MISFA: variants seen among roughly 807,000 people sequenced by gnomAD.
MISFA encodes the protein mitochondrial sheath formation-associated protein.
chr11:18,609,621 T>G, the MISFA span: 13 of 510,918 alleles, frequency 2.5e-5, no homozygotes, highest in Non-Finnish European at 4.5e-5. Flanking sequence ...CTGGCATCTG[T>G]GAACAGTTAA....
At chr11:18,602,082 C>T in the MISFA span, 2 of 152,210 alleles carry the variant, frequency 1.3e-5, no homozygotes, top group Non-Finnish European at 2.9e-5. Flanking sequence ...GAGCACATTT[C>T]TCTGTCTCTG....
chr11:18,606,716 T>C, the MISFA span: 1 of 404,984 alleles, frequency 2.5e-6, no homozygotes, highest in Non-Finnish European at 4.7e-6. Context: ...TCTTCATATA[T>C]TTATTCTCTT....
chr11:18,601,699 C>T, the MISFA span: 2,816 of 395,036 alleles, frequency 7.1e-3, 68 homozygotes, highest in African/African-American at 0.052. Flanking sequence ...CATAAACCAC[C>T]GTGCCTTGCC....
At chr11:18,608,648 T>G in the MISFA span, 1 of 152,250 alleles carries the variant, frequency 6.6e-6, no homozygotes, top group Non-Finnish European at 1.5e-5. Flanking sequence ...TGATCCTAAG[T>G]CAGCCTGATT....
chr11:18,604,969 G>A, the MISFA span, among the ~76,000 whole-genome samples: 7 of 152,234 alleles, frequency 4.6e-5, no homozygotes, highest in South Asian at 6.2e-4. Context: ...TAGGCCAGGC[G>A]TGGTGGCTCA....
the MISFA span, chr11:18,601,274 T>C: frequency 4.0e-5 from 16 of 398,284 alleles, no homozygotes; most frequent in Middle Eastern, 6.3e-4. Flanking sequence ...TTTATTCCTC[T>C]GGAAAATATA....
chr11:18,603,966 GC>G, the MISFA span: 2 of 293,000 alleles, frequency 6.8e-6, no homozygotes, highest in Non-Finnish European at 5.6e-6. Context: ...TCGCTGTGTC[GC>G]CCAGGCTGGA....
At chr11:18,602,939 GC>G in the MISFA span, 1 of 391,006 alleles carries the variant, frequency 2.6e-6, no homozygotes, top group East Asian at 3.6e-5. Context: ...TCTGAGCTCT[GC>G]CCCCCTAAAT....
chr11:18,604,395 C>T, the MISFA span, among the ~76,000 whole-genome samples: 4 of 151,302 alleles, frequency 2.6e-5, no homozygotes, highest in Admixed American at 2.6e-4. Context: ...ATGGCTCACA[C>T]GTGTGATCTC....
At chr11:18,606,529 AT>A in the MISFA span, 3 of 201,940 alleles carry the variant, frequency 1.5e-5, no homozygotes, top group African/African-American at 7.2e-5. Context: ...CTATCTAAAA[AT>A]TTTTTTAACT....
At chr11:18,604,106 TTAG>T in the MISFA span, among the ~76,000 whole-genome samples, 1 of 151,836 alleles carries the variant, frequency 6.6e-6, no homozygotes, top group Non-Finnish European at 1.5e-5. Flanking sequence ...TTTTGTGTTT[TTAG>T]TAGAGACGGG....
chr11:18,604,756 C>T, the MISFA span, among the ~76,000 whole-genome samples: 5 of 152,306 alleles, frequency 3.3e-5, no homozygotes, highest in South Asian at 2.1e-4. Flanking sequence ...CTATTAGCCT[C>T]ATCTTACAAA....
the MISFA span, among the ~76,000 whole-genome samples, chr11:18,604,712 T>G: frequency 7.4e-4 from 112 of 152,266 alleles, no homozygotes; most frequent in Middle Eastern, 3.4e-3. Context: ...TACTGAAGTA[T>G]AATTATCCTA....
the MISFA span, chr11:18,607,046 A>T: frequency 4.0e-6 from 1 of 248,984 alleles, no homozygotes; most frequent in Non-Finnish European, 7.7e-6. Flanking sequence ...TTTTTAGTAG[A>T]GACGGGGTCT....
At chr11:18,601,007 GC>G in the MISFA span, 5 of 398,036 alleles carry the variant, frequency 1.3e-5, no homozygotes, top group African/African-American at 2.1e-5. Context: ...CCTTTTAGCA[GC>G]CCTTCTGGTC....
At chr11:18,602,185 C>T in the MISFA span, 1 of 151,930 alleles carries the variant, frequency 6.6e-6, no homozygotes, top group East Asian at 1.9e-4. Flanking sequence ...TCCTGGGTTT[C>T]TTAACGTTTC....
the MISFA span, chr11:18,609,739 G>T: frequency 6.6e-6 from 5 of 757,794 alleles, no homozygotes; most frequent in Admixed American, 1.1e-4. Flanking sequence ...ATGACAGTAT[G>T]CATTCCTTCT....
the MISFA span, chr11:18,600,952 A>C: frequency 7.6e-6 from 3 of 396,782 alleles, no homozygotes; most frequent in Non-Finnish European, 1.3e-5. Context: ...GGCCAAGTGG[A>C]TCAGTGGTTA....
At chr11:18,604,696 G>T in the MISFA span, among the ~76,000 whole-genome samples, 1 of 151,890 alleles carries the variant, frequency 6.6e-6, no homozygotes, top group Non-Finnish European at 1.5e-5. Flanking sequence ...TAATATTAGG[G>T]TTAAATACTG....
Sources: allele counts gnomAD v4.1 joint callset (sites outside exome capture counted in the v4.1 genomes callset), GRCh38; gene constraint gnomAD v4.1.1; transcripts MANE v1.5; gene names NCBI Gene and HGNC (gene_info 2026-07-23, HGNC 2026-07-21).